Variants in PCDH9 observed in about 807,000 individuals in gnomAD.
PCDH9 encodes protocadherin 9.
A neutral mutation model predicts 70.6 loss-of-function variants in PCDH9; 24 were observed. The ratio of observed to expected loss-of-function variants is 0.34; its 90% confidence interval spans 0.25 to 0.48. The LOEUF is 0.48. Among genes scored for constraint, PCDH9 ranks in the 20% least tolerant of loss-of-function variants. The pLI, the probability that PCDH9 is intolerant of heterozygous loss-of-function variation, is 0.99. For synonymous variants in PCDH9, 562 were observed against 558.5 expected (o/e 1.01, Z -0.09); for missense variants, 1,281 against 1,503.6 (o/e 0.85, Z 2.45).
intron 2 of PCDH9, among the ~76,000 whole-genome samples, chr13:67,072,723 T>C (rs2085791839): frequency 2.6e-5 from 1 of 38,276 alleles, no homozygotes. Context: ...TTTTATGTAA[T>C]ATACTTAAAA....
intron 3 of PCDH9, among the ~76,000 whole-genome samples, chr13:66,633,276 C>T (rs1056326607): frequency 2.0e-5 from 3 of 152,172 alleles, no homozygotes; most frequent in African/African-American, 7.2e-5. Flanking sequence ...ATCTCAAGAA[C>T]ATCATTCCCT....
chr13:66,794,977 G>GCACA (rs71107002), intron 3 of PCDH9, among the ~76,000 whole-genome samples: 3,182 of 147,322 alleles, frequency 0.022, 97 homozygotes, highest in African/African-American at 0.069. Context: ...ACACACACAG[G>GCACA]CACACACACA....
rs543431366 is a variant in PCDH9, at chr13:67,106,336, G to T, written c.3036+119069C>A. Reference sequence around the variant, plus strand: ...AACCATTCCATGTTAAAAGAGTTAAGTGTTCCACATAAAATTCAAGATAAA... The same window carrying T: ...AACCATTCCATGTTAAAAGAGTTAATTGTTCCACATAAAATTCAAGATAAA... On this transcript the variant is annotated intron_variant, in intron 2 of 4. Transcript: ENST00000377865. Among the ~76,000 whole-genome samples, 38 of 152,246 alleles carry T rather than the reference G, an allele frequency of 2.5e-4. 1 individual carries two copies. In the South Asian group the frequency reaches 7.7e-3, roughly 31 times the overall value.
chr13:66,828,396 T>G (rs1187276724), intron 3 of PCDH9, among the ~76,000 whole-genome samples: 1 of 152,204 alleles, frequency 6.6e-6, no homozygotes, highest in African/African-American at 2.4e-5. Flanking sequence ...ATGACAATAT[T>G]ACTGACAGGA....
At chr13:66,444,717 G>C (rs1336814696) in intron 4 of PCDH9, among the ~76,000 whole-genome samples, 2 of 151,680 alleles carry the variant, frequency 1.3e-5, no homozygotes, top group Admixed American at 6.6e-5. Flanking sequence ...TGTGCCACCA[G>C]GCCTGGCTAA....
chr13:66,787,138 T>G (rs576767517), intron 3 of PCDH9, among the ~76,000 whole-genome samples: 2 of 152,296 alleles, frequency 1.3e-5, no homozygotes, highest in East Asian at 3.9e-4. Context: ...TGTGTGCAGT[T>G]AATCACAAGA....
intron 2 of PCDH9, among the ~76,000 whole-genome samples, chr13:67,054,133 T>C (rs2085374748): frequency 1.3e-5 from 2 of 152,082 alleles, no homozygotes; most frequent in African/African-American, 4.8e-5. Flanking sequence ...AACCATTACA[T>C]TACAAAAAAT....
intron 2 of PCDH9, among the ~76,000 whole-genome samples, chr13:67,122,353 A>G (rs1485914655): frequency 6.6e-6 from 1 of 152,148 alleles, no homozygotes; most frequent in African/African-American, 2.4e-5. Context: ...TCATCGTTTA[A>G]AAAGAGTATA....
intron 3 of PCDH9, among the ~76,000 whole-genome samples, chr13:66,821,146 T>G (rs1850375477): frequency 6.6e-6 from 1 of 152,194 alleles, no homozygotes. Flanking sequence ...TGACTTTGAA[T>G]TCTCTATTAT....
intron 2 of PCDH9, among the ~76,000 whole-genome samples, chr13:67,179,168 C>T (rs372368142): frequency 2.6e-5 from 4 of 151,886 alleles, no homozygotes; most frequent in South Asian, 2.1e-4. Context: ...TTTAGCCACT[C>T]GGAATTAGTA....
chr13:67,121,800 A>G (rs1235441520), intron 2 of PCDH9, among the ~76,000 whole-genome samples: 1 of 152,170 alleles, frequency 6.6e-6, no homozygotes, highest in Non-Finnish European at 1.5e-5. Flanking sequence ...GTTATTAATT[A>G]AGTGTATATA....
rs568836184 is a variant in PCDH9, at chr13:67,056,156, G to A, written c.3037-152551C>T. 2.6e-5 allele frequency among the ~76,000 whole-genome samples: 4 copies of A among 152,194 alleles called. No homozygotes were observed. In the East Asian group the frequency reaches 7.7e-4, roughly 29 times the overall value. ...AGGTCTTATTAATTCTCATAAGGTG[G>A]TTAATGTACTAAATGAGGCCAGGGT... On this transcript the variant is annotated intron_variant, in intron 2 of 4. Transcript: ENST00000377865.
At chr13:66,409,658 C>T (rs1466457162) in intron 4 of PCDH9, among the ~76,000 whole-genome samples, 2 of 152,174 alleles carry the variant, frequency 1.3e-5, no homozygotes, top group Admixed American at 6.5e-5. Flanking sequence ...ATTAAGAAAA[C>T]CAGTTATTGT....
At chr13:66,897,535 T>C (rs2082203449) in intron 3 of PCDH9, among the ~76,000 whole-genome samples, 1 of 152,094 alleles carries the variant, frequency 6.6e-6, no homozygotes, top group African/African-American at 2.4e-5. Flanking sequence ...TATGCCTGTT[T>C]TCATATTTGC....
At position 66,821,246 on chromosome 13, in the gene PCDH9, T is replaced by A. The variant is rs913095309; in HGVS notation, c.3138+82258A>T. Among the ~76,000 whole-genome samples, 3 of 152,186 alleles carry A rather than the reference T, an allele frequency of 2.0e-5. No individual in the cohort carries two copies. In the South Asian group the frequency reaches 6.2e-4, roughly 32 times the overall value. ...TACACTAGATAAATAAGTACGATTA[T>A]GTTTTCTCACTCAGATCCTTCTTAG... On this transcript the variant is annotated intron_variant, in intron 3 of 4. Coordinates refer to ENST00000377865, the MANE Select transcript of PCDH9 (RefSeq NM_203487.3).
chr13:66,304,384 G>T lies in PCDH9; in HGVS notation c.*271C>A. ...TTCTATTGTTCATAGCAGCAGTCCAGGGTCAAAATAAAATGCAATAATAAA... is the reference window on the plus strand; with the variant it reads ...TTCTATTGTTCATAGCAGCAGTCCATGGTCAAAATAAAATGCAATAATAAA... On this transcript the variant is annotated 3_prime_UTR_variant, in exon 5 of 5. Coordinates refer to ENST00000377865, the MANE Select transcript of PCDH9 (RefSeq NM_203487.3). 2.9e-6 allele frequency: 1 copy of T among 343,158 alleles called. No homozygotes were observed. Among genetic ancestry groups the T allele is most frequent in the Non-Finnish European group, 5.3e-6 (1 of 187,638 alleles). The allele number at this position is 343,158 out of a possible 1,614,324, so 21.3% of individuals were successfully genotyped here. A position where few individuals can be genotyped will look rare whatever the true frequency, so the allele number is the denominator to read the frequency against.
chr13:66,874,950 A>T (rs376151236), intron 3 of PCDH9, among the ~76,000 whole-genome samples: 7 of 131,682 alleles, frequency 5.3e-5, no homozygotes, highest in South Asian at 2.5e-4. Context: ...TGTGAGAGAG[A>T]GAGAGAGAGA....
chr13:66,831,207 T>A (rs999736498), intron 3 of PCDH9, among the ~76,000 whole-genome samples: 1 of 152,210 alleles, frequency 6.6e-6, no homozygotes, highest in Non-Finnish European at 1.5e-5. Context: ...AGTTGTTGAC[T>A]CAAAGTGTAT....
At chr13:66,426,886 G>A (rs1957680007) in intron 4 of PCDH9, among the ~76,000 whole-genome samples, 3 of 151,412 alleles carry the variant, frequency 2.0e-5, no homozygotes, top group Admixed American at 2.0e-4. Context: ...TATAATTAGA[G>A]CATTTTGTCA....
Sources: gnomAD v4.1 joint callset for allele counts (sites outside exome capture counted in the v4.1 genomes callset) on GRCh38, gnomAD v4.1.1 for gene constraint, MANE v1.5 for transcripts, NCBI Gene and HGNC (gene_info 2026-07-23, HGNC 2026-07-21) for gene names.